The following ZNF35 variants were observed in gnomAD, a reference collection of about 807,000 sequenced individuals.
ZNF35 encodes the protein zinc finger protein 35 (clone HF.10).
Under a neutral mutation model 45.9 loss-of-function variants are expected in ZNF35, and 31 were observed. That is an observed-to-expected ratio of 0.68 (90% CI 0.51 to 0.91). ZNF35 has a LOEUF of 0.91. Among genes scored for constraint, ZNF35 ranks in the 40% least tolerant of loss-of-function variants. ZNF35 has a pLI of 0.00. For missense variants in ZNF35, 515 were observed against 625.4 expected (o/e 0.82, Z 1.88); for synonymous variants, 205 against 220.2 (o/e 0.93, Z 0.61).
chr3:44,651,134 G>A lies in ZNF35; in HGVS notation c.67G>A (p.Glu23Lys). The A allele has an allele frequency of 3.7e-6, 6 of 1,614,138 alleles. No individual in the cohort carries two copies. The highest frequency in any genetic ancestry group is 4.2e-6 in the Non-Finnish European group (5 of 1,180,020). ...GGGCCCAGTGAAGGTGAAAAAGGAG[G>A]AGGAAGAAGAAGAAAACTTCCCAGG... ...PWGPVKVKKE[E>K]EEEENFPGQA... The change falls in exon 2 of 4, where the codon GAG (glutamate) becomes AAG (lysine). Residue 23 changes from glutamate to lysine, a missense_variant. This residue lies in a region of ZNF35 where 275 missense variants were observed against 295.7 expected (regional missense o/e 0.93). Transcript: ENST00000396056.
rs1703102913 is a variant in ZNF35, at chr3:44,648,782, A to G, written c.-180A>G. On this transcript the variant is annotated 5_prime_UTR_variant, in exon 1 of 4. Coordinates refer to ENST00000396056, the MANE Select transcript of ZNF35 (RefSeq NM_003420.4). ...GTAGAAGCTGAAGTACCGGTCAGCC[A>G]GCCTCCTGCTGCAGAGCCAGTGAAC... 6.6e-6 allele frequency: 1 copy of G among 152,274 alleles called. No individual in the cohort carries two copies. The highest frequency in any genetic ancestry group is 2.1e-4 in the South Asian group (1 of 4,836). The allele number at this position is 152,274 out of a possible 1,614,324, so 9.4% of individuals were successfully genotyped here. A position where few individuals can be genotyped will look rare whatever the true frequency, so the allele number is the denominator to read the frequency against.
chr3:44,659,331 G>T lies in ZNF35; in HGVS notation c.968G>T (p.Arg323Leu). 10 of 1,614,010 alleles carry T rather than the reference G, an allele frequency of 6.2e-6. No individual in the cohort carries two copies. The highest frequency in any genetic ancestry group is 8.5e-6 in the Non-Finnish European group (10 of 1,179,996). ...KAFSYSSQLA[R>L]HQKVHITEKC... The stretch of plus-strand genomic sequence containing the variant: ...TTTAGTTACAGCTCACAACTTGCTC[G>T]GCACCAGAAAGTCCACATTACGGAA... The change falls in exon 4 of 4, where the codon CGG (arginine) becomes CTG (leucine). Residue 323 changes from arginine (R) to leucine (L), a missense_variant. By Grantham distance (102) the Arg-to-Leu change is moderately radical. Coordinates refer to ENST00000396056, the MANE Select transcript of ZNF35 (RefSeq NM_003420.4). The surrounding 1 kb of genome is among the most constrained non-coding windows in gnomAD (Gnocchi z 4.3).
chr3:44,655,589 T>C (rs1178852672), intron 3 of ZNF35, among the ~76,000 whole-genome samples: 1 of 152,248 alleles, frequency 6.6e-6, no homozygotes, highest in Admixed American at 6.5e-5. Context: ...AAAAATACCA[T>C]TTCAAATAAG....
Position 44,650,973 on chromosome 3 carries a change from C to A in ZNF35, c.-95C>A. The A allele has an allele frequency of 7.8e-7, 1 of 1,277,754 alleles. No individual in the cohort carries two copies. The highest frequency in any genetic ancestry group is 1.1e-6 in the Non-Finnish European group (1 of 935,418). 79.2% of individuals were successfully genotyped at this position (1,277,754 alleles called of 1,614,324 possible). On this transcript the variant is annotated 5_prime_UTR_variant, in exon 2 of 4. Transcript: ENST00000396056. The stretch of plus-strand genomic sequence containing the variant: ...TACTCATCTTGGCCCTGGGAAGAAA[C>A]TCAAGAAGAAGCTTTTGAAACATAA...
At chr3:44,647,402 G>A (rs1205043089), upstream of ZNF35, 2 of 152,008 alleles carry the variant, frequency 1.3e-5, no homozygotes, top group Non-Finnish European at 2.9e-5. Flanking sequence ...GCAGTTTCTT[G>A]TAAAACCACA....
intron 3 of ZNF35, among the ~76,000 whole-genome samples, chr3:44,655,612 G>A (rs1703286150): frequency 2.0e-5 from 3 of 152,058 alleles, no homozygotes; most frequent in African/African-American, 2.4e-5. Context: ...AAGGTTATAC[G>A]CCCGGATTAT....
chr3:44,657,704 C>T (rs929470523), intron 3 of ZNF35, among the ~76,000 whole-genome samples: 3 of 152,166 alleles, frequency 2.0e-5, no homozygotes, highest in Non-Finnish European at 2.9e-5. Flanking sequence ...TTCCTTGACA[C>T]AATGCTAAGC....
At chr3:44,653,034 C>A (rs1041854716) in intron 3 of ZNF35, among the ~76,000 whole-genome samples, 1 of 152,178 alleles carries the variant, frequency 6.6e-6, no homozygotes, top group Non-Finnish European at 1.5e-5. Context: ...ACAGGGTAGA[C>A]AGTCTAGAGG....
Position 44,659,424 on chromosome 3 carries a change from G to A in ZNF35, c.1061G>A (p.Arg354Lys), listed in dbSNP as rs1264872088. Residue 354 changes from arginine (R) to lysine (K), a missense_variant, in exon 4 of 4, where the codon AGG becomes AAG. By Grantham distance (26) the Arg-to-Lys change is conservative. This residue lies in a region of ZNF35 where 232 missense variants were observed against 304.6 expected (regional missense o/e 0.76). Coordinates refer to ENST00000396056, the MANE Select transcript of ZNF35 (RefSeq NM_003420.4). The surrounding 1 kb of genome is among the most constrained non-coding windows in gnomAD (Gnocchi z 4.3). The stretch of plus-strand genomic sequence containing the variant: ...AGCTCAAACCTCATTGTCCACCAGA[G>A]GATCCACACTGGGGAGAAGCCCTTT... Reference protein sequence around the residue: ...TRSSNLIVHQRIHTGEKPFAC... With the variant: ...TRSSNLIVHQKIHTGEKPFAC... 7 of 1,609,720 alleles carry A rather than the reference G, an allele frequency of 4.3e-6. No homozygotes were observed. The East Asian group carries it at 1.1e-4, about 26-fold the overall frequency.
rs1476952828 is a variant in ZNF35, at chr3:44,659,236, A to T, written c.873A>T (p.Ser291=). The T allele has an allele frequency of 6.2e-7, 1 of 1,614,114 alleles. No individual in the cohort carries two copies. Among genetic ancestry groups the T allele is most frequent in the Admixed American group, 1.7e-5 (1 of 60,016 alleles). ...SKCGKAFTQS[S]NLTVHQKIHS... ...GTGGGAAAGCCTTCACTCAGAGTTC[A>T]AATCTGACTGTACATCAAAAAATCC... The change falls in exon 4 of 4, where the codon TCA becomes TCT. Residue 291 remains serine (S), a synonymous_variant. Transcript: ENST00000396056. This position sits in a 1 kb window ranked among gnomAD's most constrained non-coding sequence, Gnocchi z 4.3.
rs114643713 is a variant in ZNF35 at position 44,654,461 on chromosome 3, G to A, written c.337+1760G>A. ...TTCATTAAGTACAGGATTTGTTGGC[G>A]GCCTCCTTCCTATGTGTCAGGCAGC... On this transcript the variant is annotated intron_variant, in intron 3 of 3. Transcript: ENST00000396056. Among the ~76,000 whole-genome samples the A allele has an allele frequency of 2.9e-3, 441 of 152,190 alleles. 3 individuals carry two copies. Among genetic ancestry groups the A allele is most frequent in the African/African-American group, 1.0e-2 (414 of 41,524 alleles).
chr3:44,658,363 G>C (rs928716902), intron 3 of ZNF35, among the ~76,000 whole-genome samples: 8 of 152,222 alleles, frequency 5.3e-5, no homozygotes, highest in African/African-American at 1.9e-4. Flanking sequence ...ACTGGTCTTT[G>C]TTGCAAGGGC....
At chr3:44,652,415 G>A (rs547426905) in intron 2 of ZNF35, 142 bp from the exon 3 acceptor site, 4 of 842,666 alleles carry the variant, frequency 4.7e-6, no homozygotes, top group Admixed American at 5.7e-5. Flanking sequence ...GGGGGTTGGA[G>A]GAGACTCTGG....
chr3:44,656,633 T>A (rs1329084077), intron 3 of ZNF35, among the ~76,000 whole-genome samples: 1 of 150,750 alleles, frequency 6.6e-6, no homozygotes, highest in Non-Finnish European at 1.5e-5. Context: ...CCTCAGGTGA[T>A]CCACCCGTTT....
At chr3:44,649,750 T>C (rs1703146955) in intron 1 of ZNF35, among the ~76,000 whole-genome samples, 1 of 152,088 alleles carries the variant, frequency 6.6e-6, no homozygotes, top group African/African-American at 2.4e-5. Flanking sequence ...CTTTTAAATA[T>C]TAATAAAATG....
At chr3:44,658,042 A>C (rs1252233815) in intron 3 of ZNF35, among the ~76,000 whole-genome samples, 2 of 152,220 alleles carry the variant, frequency 1.3e-5, no homozygotes, top group African/African-American at 4.8e-5. Context: ...GGAGCTAGTT[A>C]GTGTCAGAGC....
intron 3 of ZNF35, among the ~76,000 whole-genome samples, chr3:44,655,914 A>G (rs1362380157): frequency 6.6e-6 from 1 of 152,242 alleles, no homozygotes; most frequent in African/African-American, 2.4e-5. Context: ...GGTAGGAGTG[A>G]AAGTCAGGGA....
chr3:44,650,284 C>T (rs1170636118), intron 1 of ZNF35, among the ~76,000 whole-genome samples: 1 of 151,906 alleles, frequency 6.6e-6, no homozygotes, highest in Non-Finnish European at 1.5e-5. Context: ...CATTTGGAAG[C>T]TATGGAAAAT....
chr3:44,658,551 G>A (rs543531000), intron 3 of ZNF35, 150 bp from the exon 4 acceptor site: 21 of 788,308 alleles, frequency 2.7e-5, no homozygotes, highest in African/African-American at 2.4e-4. Flanking sequence ...AACCTAGAGA[G>A]GAGAGGTAAC....
Sources: gnomAD v4.1 joint callset for allele counts (sites outside exome capture counted in the v4.1 genomes callset) on GRCh38, gnomAD v4.1.1 for gene constraint, gnomAD v4.1.1 regional missense constraint, Gnocchi (gnomAD v3.1) non-coding constraint, MANE v1.5 for transcripts, NCBI Gene and HGNC (gene_info 2026-07-23, HGNC 2026-07-21) for gene names.